The following CDH18 variants were observed in gnomAD, a reference collection of about 807,000 sequenced individuals.
CDH18 encodes the protein cadherin 18.
Under a neutral mutation model 67.9 loss-of-function variants are expected in CDH18, and 31 were observed. The observed-to-expected ratio is 0.46, with a 90% CI of 0.34 to 0.62. The LOEUF (loss-of-function observed/expected upper bound fraction) is 0.62, where lower values mean the gene tolerates loss of function less well. CDH18 is among the 20% of genes least tolerant of loss of function. The pLI is 0.01. For missense variants in CDH18, 890 were observed against 975.5 expected, an observed-to-expected ratio of 0.91 and a Z score of 1.17; for synonymous variants, 362 against 347.2, an observed-to-expected ratio of 1.04 and a Z score of -0.48.
chr5:20,545,299 T>C (rs915157745), intron 1 of CDH18, among the ~76,000 whole-genome samples: 2 of 152,188 alleles, frequency 1.3e-5, no homozygotes, highest in South Asian at 2.1e-4. Context: ...GTCTGGAGAA[T>C]GGTGGGCCTC....
chr5:19,881,550 C>A (rs1212013882), intron 2 of CDH18, among the ~76,000 whole-genome samples: 1 of 146,870 alleles, frequency 6.8e-6, no homozygotes, highest in Non-Finnish European at 1.5e-5. Flanking sequence ...CTCTTGTTAA[C>A]CAGGCTGGAG....
At chr5:20,100,713 G>A (rs2150575802) in intron 2 of CDH18, among the ~76,000 whole-genome samples, 1 of 151,702 alleles carries the variant, frequency 6.6e-6, no homozygotes, top group Non-Finnish European at 1.5e-5. Flanking sequence ...TTACTCTTTA[G>A]CTCCTAAACA....
intron 1 of CDH18, among the ~76,000 whole-genome samples, chr5:20,272,464 TAG>T (rs1369150882): frequency 6.6e-6 from 1 of 151,856 alleles, no homozygotes; most frequent in Non-Finnish European, 1.5e-5. Flanking sequence ...TTTCTTAGAT[TAG>T]AAAAAAAGCA....
At chr5:20,542,292 G>T (rs1407989726) in intron 1 of CDH18, among the ~76,000 whole-genome samples, 1 of 151,794 alleles carries the variant, frequency 6.6e-6, no homozygotes, top group Non-Finnish European at 1.5e-5. Flanking sequence ...GGGATAAACA[G>T]TAATTGCTAA....
chr5:19,473,695 G>A lies in CDH18; in HGVS notation c.1904C>T (p.Thr635Ile). ...ILLAIVVLFI[T>I]LRRSKKEPLI... ...GGGCTCTTTTTTGCTGCGCCTCAGGGTGATAAAAAGTACCACAATTGCTGA... is the reference window on the plus strand; with the variant it reads ...GGGCTCTTTTTTGCTGCGCCTCAGGATGATAAAAAGTACCACAATTGCTGA... Residue 635 changes from threonine (T) to isoleucine (I), a missense_variant, in exon 13 of 13, where the codon ACC (threonine) becomes ATC (isoleucine). By Grantham distance (89) the Thr-to-Ile change is moderately conservative. Transcript: ENST00000382275. The A allele has an allele frequency of 6.2e-7, 1 of 1,603,280 alleles. No homozygotes were observed. Among genetic ancestry groups the A allele is most frequent in the Non-Finnish European group, 8.5e-7 (1 of 1,174,742 alleles).
At chr5:20,199,400 T>C (rs1739261733) in intron 2 of CDH18, among the ~76,000 whole-genome samples, 1 of 152,192 alleles carries the variant, frequency 6.6e-6, no homozygotes, top group Non-Finnish European at 1.5e-5. Flanking sequence ...AATTTTTGAC[T>C]TGCATAAGGC....
chr5:20,140,147 G>A (rs1284738787), intron 2 of CDH18, among the ~76,000 whole-genome samples: 5 of 152,120 alleles, frequency 3.3e-5, no homozygotes, highest in South Asian at 2.1e-4. Flanking sequence ...CATAAAAAGG[G>A]ATGAGTTCAT....
At chr5:20,231,170 A>C (rs1394064945) in intron 2 of CDH18, among the ~76,000 whole-genome samples, 1 of 152,194 alleles carries the variant, frequency 6.6e-6, no homozygotes, top group Non-Finnish European at 1.5e-5. Flanking sequence ...TGTATAAGTG[A>C]TAAATTTTAT....
At chr5:19,760,696 T>A (rs982970592) in intron 3 of CDH18, among the ~76,000 whole-genome samples, 2 of 152,168 alleles carry the variant, frequency 1.3e-5, no homozygotes, top group African/African-American at 4.8e-5. Context: ...TCTTTTCAAG[T>A]GTGGTGCATG....
intron 4 of CDH18, among the ~76,000 whole-genome samples, chr5:19,741,753 G>T (rs1191463456): frequency 6.6e-6 from 1 of 151,950 alleles, no homozygotes; most frequent in East Asian, 1.9e-4. Flanking sequence ...TATATTGCAT[G>T]TTCCCTAGGG....
At chr5:19,619,947 C>T (rs1750433501) in intron 5 of CDH18, among the ~76,000 whole-genome samples, 1 of 151,968 alleles carries the variant, frequency 6.6e-6, no homozygotes, top group Non-Finnish European at 1.5e-5. Flanking sequence ...ACACAAGCTA[C>T]TTAGCTGCAA....
Position 19,526,315 on chromosome 5 carries a change from C to A in CDH18, c.1391-5537G>T, listed in dbSNP as rs180702853. On this transcript the variant is annotated intron_variant, in intron 9 of 12. Coordinates refer to ENST00000382275, the MANE Select transcript of CDH18 (RefSeq NM_004934.5). ...ATATAAAAATCATCTGTGCTTTATGCAACATTAATACAATAGGGACTCATG... is the reference window on the plus strand; with the variant it reads ...ATATAAAAATCATCTGTGCTTTATGAAACATTAATACAATAGGGACTCATG... Among the ~76,000 whole-genome samples, 16 of 152,150 alleles carry A rather than the reference C, an allele frequency of 1.1e-4. No individual in the cohort carries two copies. The East Asian group carries it at 1.7e-3, about 17-fold the overall frequency.
At chr5:20,369,961 A>G (rs1742838770) in intron 1 of CDH18, among the ~76,000 whole-genome samples, 1 of 152,164 alleles carries the variant, frequency 6.6e-6, no homozygotes, top group African/African-American at 2.4e-5. Context: ...TGCACAGATC[A>G]ACCCATCACC....
At chr5:19,503,550 A>AT (rs1561214111) in intron 10 of CDH18, among the ~76,000 whole-genome samples, 1 of 151,908 alleles carries the variant, frequency 6.6e-6, no homozygotes, top group East Asian at 1.9e-4. Flanking sequence ...TGGTTTTATT[A>AT]TTTTTTTCAG....
chr5:20,428,748 C>A (rs200876228), intron 1 of CDH18, among the ~76,000 whole-genome samples: 4 of 151,976 alleles, frequency 2.6e-5, no homozygotes, highest in Admixed American at 6.6e-5. Context: ...TACAATAAGA[C>A]GTATATAAGC....
chr5:20,394,224 G>T (rs1339562097), intron 1 of CDH18, among the ~76,000 whole-genome samples: 1 of 149,684 alleles, frequency 6.7e-6, no homozygotes, highest in African/African-American at 2.5e-5. Flanking sequence ...ACACACCAGT[G>T]GAAGAGAATA....
At chr5:20,212,174 G>T (rs943274338) in intron 2 of CDH18, among the ~76,000 whole-genome samples, 1 of 151,968 alleles carries the variant, frequency 6.6e-6, no homozygotes, top group Non-Finnish European at 1.5e-5. Context: ...TGGAAGAAAG[G>T]GTATCAGTGA....
At chr5:20,093,736 T>C (rs781063827) in intron 2 of CDH18, among the ~76,000 whole-genome samples, 3 of 152,104 alleles carry the variant, frequency 2.0e-5, no homozygotes, top group Admixed American at 6.5e-5. Context: ...ATACTATGAG[T>C]TGCATTTCTT....
intron 2 of CDH18, among the ~76,000 whole-genome samples, chr5:20,209,372 T>G (rs912620743): frequency 2.0e-5 from 3 of 151,600 alleles, no homozygotes; most frequent in Admixed American, 6.6e-5. Context: ...AATGGGGGAA[T>G]GGATAAAGAA....
Sources: allele counts gnomAD v4.1 joint callset (sites outside exome capture counted in the v4.1 genomes callset), GRCh38; gene constraint gnomAD v4.1.1; transcripts MANE v1.5; gene names NCBI Gene and HGNC (gene_info 2026-07-23, HGNC 2026-07-21).